Variants in JARID2 observed in about 807,000 individuals in gnomAD.
The protein encoded by JARID2 is protein Jumonji.
Under a neutral mutation model 125.6 loss-of-function variants are expected in JARID2, and 21 were observed. The observed-to-expected ratio is 0.17, with a 90% confidence interval of 0.12 to 0.24. JARID2 has a LOEUF of 0.24. JARID2 is among the 10% of genes least tolerant of loss of function. The pLI is 1.00. For missense variants in JARID2, 1,303 were observed against 1,639.6 expected, an observed-to-expected ratio of 0.79 and a Z score of 3.55; for synonymous variants, 736 against 661.6, an observed-to-expected ratio of 1.11 and a Z score of -1.73.
At chr6:15,300,722 T>TGTGAGAGAGAGAGAGAGAGAGAGA (rs1246745065) in intron 1 of JARID2, among the ~76,000 whole-genome samples, 3 of 111,118 alleles carry the variant, frequency 2.7e-5, no homozygotes, top group African/African-American at 3.7e-5. Flanking sequence ...TGTGTGTGTG[T>TGTGAGAGAGAGAGAGAGAGAGAGA]GAGAGAGAGA....
intron 12 of JARID2, among the ~76,000 whole-genome samples, chr6:15,510,631 T>C (rs1771232068): frequency 6.6e-6 from 1 of 152,234 alleles, no homozygotes; most frequent in Non-Finnish European, 1.5e-5. Context: ...TCTTGCTGTA[T>C]GTGCCTGATG....
chr6:15,283,503 G>A lies in JARID2; in HGVS notation c.45+36919G>A, dbSNP rs184488419. Among the ~76,000 whole-genome samples, 62 of 145,086 alleles carry A rather than the reference G, an allele frequency of 4.3e-4. No individual in the cohort carries two copies. In the South Asian group the frequency reaches 9.9e-3, roughly 23 times the overall value. On this transcript the variant is annotated intron_variant, in intron 1 of 17. Coordinates refer to ENST00000341776, the MANE Select transcript of JARID2 (RefSeq NM_004973.4). ...CTACAGGCATGCACCAGCTACGCCCGGCTAATTTTCTTGTATTTTTATTAG... is the reference window on the plus strand; with the variant it reads ...CTACAGGCATGCACCAGCTACGCCCAGCTAATTTTCTTGTATTTTTATTAG...
chr6:15,275,115 G>A (rs1441200836), intron 1 of JARID2, among the ~76,000 whole-genome samples: 1 of 152,164 alleles, frequency 6.6e-6, no homozygotes, highest in Non-Finnish European at 1.5e-5. Flanking sequence ...CAGTGGAGAA[G>A]GTGTGTGGGC....
chr6:15,292,389 TATACAGTGAATG>T (rs1761260509), intron 1 of JARID2, among the ~76,000 whole-genome samples: 1 of 152,208 alleles, frequency 6.6e-6, no homozygotes, highest in Admixed American at 6.5e-5. Context: ...TGTAATTTTC[TATACAGTGAATG>T]TACAACTGCA....
chr6:15,369,351 C>A (rs1304492866), intron 1 of JARID2: 1 of 430,828 alleles, frequency 2.3e-6, no homozygotes, highest in East Asian at 5.7e-5. Context: ...TGATTCCTGA[C>A]CAATTGCTCT....
At chr6:15,362,099 C>G (rs1385257821) in intron 1 of JARID2, among the ~76,000 whole-genome samples, 1 of 151,876 alleles carries the variant, frequency 6.6e-6, no homozygotes, top group African/African-American at 2.4e-5. Flanking sequence ...GTTGGTCAGG[C>G]TGGTCTTGAA....
chr6:15,366,393 A>T (rs1379634827), intron 1 of JARID2, among the ~76,000 whole-genome samples: 1 of 150,818 alleles, frequency 6.6e-6, no homozygotes, highest in East Asian at 2.0e-4. Flanking sequence ...ATGATATGAC[A>T]TTGCATGTTG....
chr6:15,412,959 C>G (rs114136146), intron 3 of JARID2, among the ~76,000 whole-genome samples: 2 of 134,644 alleles, frequency 1.5e-5, no homozygotes, highest in African/African-American at 5.6e-5. Context: ...TTTTTACTTG[C>G]GAGTTTTAAA....
chr6:15,366,502 T>G (rs1162767229), intron 1 of JARID2, among the ~76,000 whole-genome samples: 2 of 2,850 alleles, frequency 7.0e-4, no homozygotes, highest in Admixed American at 3.7e-3. Flanking sequence ...TATATGTGGG[T>G]GGGGGGCGGG....
intron 2 of JARID2, among the ~76,000 whole-genome samples, chr6:15,397,662 A>G (rs948461362): frequency 1.3e-5 from 2 of 152,216 alleles, no homozygotes; most frequent in Non-Finnish European, 2.9e-5. Context: ...AGGTCTTTAA[A>G]CATTTTGAGA....
At chr6:15,313,442 G>C (rs953495136) in intron 1 of JARID2, among the ~76,000 whole-genome samples, 2 of 152,216 alleles carry the variant, frequency 1.3e-5, no homozygotes, top group Non-Finnish European at 2.9e-5. Context: ...AAGCAGTACA[G>C]ACAGGGTCTT....
intron 2 of JARID2, among the ~76,000 whole-genome samples, chr6:15,407,982 G>A (rs943974648): frequency 4.6e-5 from 7 of 152,096 alleles, no homozygotes; most frequent in African/African-American, 1.7e-4. Context: ...GGAAACTTCA[G>A]GTCAGGTGCA....
At chr6:15,283,944 T>C (rs1278666635) in intron 1 of JARID2, among the ~76,000 whole-genome samples, 1 of 151,798 alleles carries the variant, frequency 6.6e-6, no homozygotes, top group Non-Finnish European at 1.5e-5. Flanking sequence ...CCTGACCTCA[T>C]AATCTGCCAG....
At chr6:15,475,907 T>C (rs1209455949) in intron 5 of JARID2, among the ~76,000 whole-genome samples, 1 of 152,212 alleles carries the variant, frequency 6.6e-6, no homozygotes, top group Non-Finnish European at 1.5e-5. Flanking sequence ...AGGGAGAACC[T>C]GGGTGAGGGC....
intron 1 of JARID2, among the ~76,000 whole-genome samples, chr6:15,319,460 T>G (rs1394897663): frequency 6.6e-6 from 1 of 152,188 alleles, no homozygotes; most frequent in East Asian, 1.9e-4. Flanking sequence ...TCCAGTGGTG[T>G]GATCTCAGCT....
intron 2 of JARID2, among the ~76,000 whole-genome samples, chr6:15,377,089 A>G (rs1263609290): frequency 6.6e-6 from 1 of 152,180 alleles, no homozygotes; most frequent in Non-Finnish European, 1.5e-5. Context: ...TCTCATAGAA[A>G]CACTTCCTAA....
At chr6:15,473,048 C>CTGTA (rs142057987) in intron 5 of JARID2, among the ~76,000 whole-genome samples, 6 of 30,108 alleles carry the variant, frequency 2.0e-4, no homozygotes, top group South Asian at 8.1e-4. Flanking sequence ...ATGTGAATAC[C>CTGTA]CGTGTTAGGA....
intron 3 of JARID2, among the ~76,000 whole-genome samples, chr6:15,431,464 A>T (rs906623137): frequency 7.9e-5 from 12 of 152,170 alleles, no homozygotes; most frequent in Non-Finnish European, 1.5e-4. Flanking sequence ...TCTGAAGGTC[A>T]TGAGGAATAA....
intron 13 of JARID2, among the ~76,000 whole-genome samples, 188 bp downstream of exon 13, chr6:15,511,589 G>T (rs1306707816): frequency 1.3e-5 from 2 of 152,186 alleles, no homozygotes; most frequent in Non-Finnish European, 2.9e-5. Flanking sequence ...CAGGGCGCTG[G>T]GGTTTTGCAC....
Sources: allele counts gnomAD v4.1 joint callset (sites outside exome capture counted in the v4.1 genomes callset), GRCh38; gene constraint gnomAD v4.1.1; transcripts MANE v1.5; gene names NCBI Gene and HGNC (gene_info 2026-07-23, HGNC 2026-07-21).